The following ZIM2 variants were observed in gnomAD, a reference collection of about 807,000 sequenced individuals.
The protein encoded by ZIM2 is zinc finger imprinted 2, also known as zinc finger protein 656.
ZIM2 carries 14 observed loss-of-function variants against 38.6 expected under a neutral mutation model. That is an observed-to-expected ratio of 0.36 (90% CI 0.24 to 0.57). The LOEUF (loss-of-function observed/expected upper bound fraction) is 0.57. Ranked by LOEUF, ZIM2 falls within the 20% of genes least tolerant of loss-of-function variation. ZIM2 has a pLI of 0.81. For missense variants in ZIM2, 680 were observed against 695.1 expected (o/e 0.98, Z 0.24); for synonymous variants, 247 against 245.8 (o/e 1.00, Z -0.04).
chr19:56,798,101 A>G (rs1426361316), intron 9 of ZIM2: 1 of 152,236 alleles, frequency 6.6e-6, no homozygotes, highest in South Asian at 2.1e-4. Flanking sequence ...GAAAAAAATG[A>G]AAAAGAAGTT....
intron 12 of ZIM2, among the ~76,000 whole-genome samples, chr19:56,776,004 G>A (rs897615572): frequency 7.3e-5 from 11 of 151,492 alleles, no homozygotes; most frequent in African/African-American, 2.7e-4. Flanking sequence ...AGGAGGATGA[G>A]GCAGGAGAAT....
chr19:56,794,643 T>C (rs2047103284), intron 9 of ZIM2, among the ~76,000 whole-genome samples: 1 of 152,216 alleles, frequency 6.6e-6, no homozygotes, highest in Admixed American at 6.5e-5. Flanking sequence ...ACTCAATGTA[T>C]AAGATTACAT....
chr19:56,812,587 T>C (rs1233248283), intron 9 of ZIM2: 9 of 985,706 alleles, frequency 9.1e-6, no homozygotes, highest in South Asian at 4.7e-5. Context: ...CCAAGCCATG[T>C]TGCTACTTGT....
chr19:56,831,395 C>T (rs573629887), intron 2 of ZIM2, among the ~76,000 whole-genome samples: 3 of 152,168 alleles, frequency 2.0e-5, no homozygotes, highest in Non-Finnish European at 4.4e-5. Flanking sequence ...AAGGCCATGA[C>T]AGGACCGCTA....
intron 10 of ZIM2, among the ~76,000 whole-genome samples, chr19:56,787,538 T>C (rs1015398153): frequency 1.3e-5 from 2 of 152,176 alleles, no homozygotes; most frequent in African/African-American, 4.8e-5. Context: ...GGGAGGGATA[T>C]TGGCCTGAAA....
chr19:56,814,761 G>C lies in ZIM2; in HGVS notation c.490+2985C>G. ...GAATGAAGCCTTGTCCACACAAAAG[G>C]CATCGAATGGCCGACCCAGCAAGAG... On this transcript the variant is annotated intron_variant, in intron 9 of 12. Coordinates refer to ENST00000629319, the MANE Select transcript of ZIM2 (RefSeq NM_001387356.1). This position sits in a 1 kb window ranked among gnomAD's most constrained non-coding sequence, Gnocchi z 5.8. 2 of 1,614,056 alleles carry C rather than the reference G, an allele frequency of 1.2e-6. No individual in the cohort carries two copies. The highest frequency in any genetic ancestry group is 1.7e-6 in the Non-Finnish European group (2 of 1,180,028).
At chr19:56,829,918 A>G (rs1188306359) in intron 2 of ZIM2, among the ~76,000 whole-genome samples, 1 of 152,226 alleles carries the variant, frequency 6.6e-6, no homozygotes, top group Non-Finnish European at 1.5e-5. Flanking sequence ...AGCCACGCCT[A>G]CCACTGAAGA....
chr19:56,830,539 G>GTC, intron 2 of ZIM2, among the ~76,000 whole-genome samples: 1 of 152,144 alleles, frequency 6.6e-6, no homozygotes, highest in Non-Finnish European at 1.5e-5. Flanking sequence ...GACAAGGAAG[G>GTC]GACAGCTATA....
intron 3 of ZIM2, 89 bp from the exon 4 acceptor site, chr19:56,824,516 T>C (rs767490719): frequency 2.5e-6 from 4 of 1,614,136 alleles, no homozygotes. Flanking sequence ...CCGAAACCTC[T>C]GATGAAAAAA....
intron 9 of ZIM2, chr19:56,815,047 T>C (rs754169946): frequency 1.7e-5 from 27 of 1,614,090 alleles, no homozygotes; most frequent in Non-Finnish European, 2.3e-5. Context: ...AACCAGGCAC[T>C]TCCTGCTGTG....
intron 1 of ZIM2, among the ~76,000 whole-genome samples, chr19:56,839,068 C>T (rs913798837): frequency 6.6e-6 from 1 of 152,004 alleles, no homozygotes; most frequent in African/African-American, 2.4e-5. Flanking sequence ...GCGGGCGGGC[C>T]TTGTCTCGCC....
intron 9 of ZIM2, chr19:56,816,120 A>G: frequency 1.2e-6 from 2 of 1,613,182 alleles, no homozygotes; most frequent in Non-Finnish European, 1.7e-6. Context: ...CAGACCTCTC[A>G]TATGATTTTG....
At chr19:56,807,081 C>T (rs1177152366) in intron 9 of ZIM2, among the ~76,000 whole-genome samples, 1 of 152,132 alleles carries the variant, frequency 6.6e-6, no homozygotes, top group Non-Finnish European at 1.5e-5. Context: ...CCAAACAGTA[C>T]CTGACACTTA....
chr19:56,817,728 G>C lies in ZIM2; in HGVS notation c.490+18C>G. 1 of 1,606,716 alleles carries C rather than the reference G, an allele frequency of 6.2e-7. No homozygotes were observed. The highest frequency in any genetic ancestry group is 8.5e-7 in the Non-Finnish European group (1 of 1,173,294). ...CACTGGTTGTGTGGCTCCTCTGTGG[G>C]ATGTGCCTCCTGCTTACCTCGACTG... On this transcript the variant is annotated intron_variant, in intron 9 of 12. Coordinates refer to ENST00000629319, the MANE Select transcript of ZIM2 (RefSeq NM_001387356.1).
At chr19:56,804,827 G>A (rs543033206) in intron 9 of ZIM2, among the ~76,000 whole-genome samples, 13 of 152,316 alleles carry the variant, frequency 8.5e-5, no homozygotes, top group African/African-American at 2.4e-4. Context: ...ACCCCGTAAC[G>A]GGGGTACTAA....
chr19:56,806,240 T>C (rs749026569), intron 9 of ZIM2, among the ~76,000 whole-genome samples: 114 of 152,368 alleles, frequency 7.5e-4, no homozygotes, highest in Non-Finnish European at 1.4e-3. Context: ...CCCCAATTAA[T>C]AGATGCTTAA....
intron 10 of ZIM2, among the ~76,000 whole-genome samples, chr19:56,785,093 G>GAGTT (rs2145880437): frequency 6.6e-6 from 1 of 152,182 alleles, no homozygotes; most frequent in South Asian, 2.1e-4. Flanking sequence ...ATTCTTAACT[G>GAGTT]GTTTTGTGGC....
At chr19:56,811,821 T>C in intron 9 of ZIM2, 1 of 985,600 alleles carries the variant, frequency 1.0e-6, no homozygotes, top group Non-Finnish European at 1.2e-6. Flanking sequence ...CCCCGCTCAA[T>C]TCATTCTCAG....
chr19:56,788,792 C>T (rs1396185860), intron 10 of ZIM2, among the ~76,000 whole-genome samples: 4 of 152,032 alleles, frequency 2.6e-5, no homozygotes, highest in African/African-American at 7.3e-5. Context: ...ACCAATCAAA[C>T]GTAGGTTTTG....
Sources: allele counts gnomAD v4.1 joint callset (sites outside exome capture counted in the v4.1 genomes callset), GRCh38; gene constraint gnomAD v4.1.1; non-coding constraint Gnocchi (gnomAD v3.1); transcripts MANE v1.5; gene names NCBI Gene and HGNC (gene_info 2026-07-23, HGNC 2026-07-21).